Variants in ZNF516 observed in about 807,000 individuals in gnomAD.
ZNF516 encodes zinc finger protein 516.
A neutral mutation model predicts 79.7 loss-of-function variants in ZNF516; 19 were observed. The ratio of observed to expected loss-of-function variants is 0.24; its 90% CI spans 0.17 to 0.35. ZNF516 has a LOEUF of 0.35. ZNF516 is among the 10% of genes least tolerant of loss of function. ZNF516 has a pLI of 1.00. For synonymous variants in ZNF516, 877 were observed against 739.5 expected (o/e 1.19, Z -3.02); for missense variants, 1,678 against 1,679.5 (o/e 1.00, Z 0.02).
chr18:76,377,881 A>G (rs1374291869), intron 4 of ZNF516, among the ~76,000 whole-genome samples: 2 of 151,906 alleles, frequency 1.3e-5, no homozygotes, highest in Non-Finnish European at 2.9e-5. Context: ...ATGCCTGGCT[A>G]ATTTTTGTGT....
intron 1 of ZNF516, among the ~76,000 whole-genome samples, chr18:76,470,374 A>G (rs970647618): frequency 6.6e-6 from 1 of 152,196 alleles, no homozygotes; most frequent in African/African-American, 2.4e-5. Flanking sequence ...CAACACAAGT[A>G]TGCTTTAACA....
intron 3 of ZNF516, among the ~76,000 whole-genome samples, chr18:76,382,068 GTTGCAGTGAGCTGACATCACGCCAC>G (rs1157346704): frequency 2.0e-5 from 3 of 152,170 alleles, no homozygotes; most frequent in Non-Finnish European, 4.4e-5. Flanking sequence ...GGAGGTGGAG[GTTGCAGTGAGCTGACATCACGCCAC>G]TGCACTCCAG....
chr18:76,488,110 G>A, intron 1 of ZNF516: 1 of 984,270 alleles, frequency 1.0e-6, no homozygotes. Context: ...TCATACACGG[G>A]GAGATGTATT....
chr18:76,389,571 G>A (rs917430669), intron 3 of ZNF516, among the ~76,000 whole-genome samples: 30 of 152,144 alleles, frequency 2.0e-4, no homozygotes, highest in Admixed American at 1.8e-3. Flanking sequence ...TCTAAGTTTC[G>A]TGTACGGAAA....
intron 3 of ZNF516, among the ~76,000 whole-genome samples, chr18:76,408,000 G>A (rs1327338588): frequency 2.0e-5 from 3 of 152,226 alleles, no homozygotes; most frequent in Non-Finnish European, 4.4e-5. Flanking sequence ...TGCAGCCCGC[G>A]CTGCTTCTGT....
chr18:76,418,198 C>T (rs572212258), intron 3 of ZNF516, among the ~76,000 whole-genome samples: 1 of 152,044 alleles, frequency 6.6e-6, no homozygotes, highest in African/African-American at 2.4e-5. Flanking sequence ...CTATAACACA[C>T]TGTAACACAC....
At chr18:76,445,113 C>T (rs1489849040) in intron 2 of ZNF516, among the ~76,000 whole-genome samples, 3 of 152,050 alleles carry the variant, frequency 2.0e-5, no homozygotes, top group African/African-American at 7.2e-5. Context: ...AACAATTAGC[C>T]AGGCATGATG....
intron 3 of ZNF516, among the ~76,000 whole-genome samples, chr18:76,405,339 C>A (rs1217727932): frequency 1.3e-5 from 2 of 152,158 alleles, no homozygotes; most frequent in Non-Finnish European, 2.9e-5. Flanking sequence ...CTCAAGCGAT[C>A]CTCCCGCCTC....
At chr18:76,462,491 C>A (rs976697804) in intron 2 of ZNF516, among the ~76,000 whole-genome samples, 1 of 152,200 alleles carries the variant, frequency 6.6e-6, no homozygotes, top group Non-Finnish European at 1.5e-5. Context: ...TGGTAACAAC[C>A]GAAACCTGCC....
In ZNF516 at chr18:76,379,002, CG is replaced by C. The variant is rs56087742; in HGVS notation, c.3111del (p.Val1038SerfsTer122). On this transcript the variant is annotated frameshift_variant, in exon 4 of 7. Coordinates refer to ENST00000443185, the MANE Select transcript of ZNF516 (RefSeq NM_014643.4). LOFTEE classifies it high-confidence loss of function. ...GGCTCCTGTTTGATGGAGTGTAGGA[CG>C]GGGGGCGCCCCAGCCACGCCGGGCT... is the stretch of plus-strand genomic sequence containing the variant. ...QAQPGVAGAPPVLHSIKQEPV... is the reference protein window; with the variant it reads ...QAQPGVAGAPXVLHSIKQEPV... 6.2e-7 allele frequency: 1 copy of C among 1,612,544 alleles called. No homozygotes were observed. The highest frequency in any genetic ancestry group is 8.5e-7 in the Non-Finnish European group (1 of 1,179,654).
intron 1 of ZNF516, among the ~76,000 whole-genome samples, chr18:76,478,987 C>A (rs564076678): frequency 1.3e-5 from 2 of 151,526 alleles, no homozygotes; most frequent in Admixed American, 6.6e-5. Context: ...ACCTGGGAGG[C>A]GAAGGTTGCA....
In ZNF516 at chr18:76,442,149, C is replaced by T. The variant is rs529813340; in HGVS notation, c.906G>A (p.Thr302=). 14 of 1,613,966 alleles carry T rather than the reference C, an allele frequency of 8.7e-6. No individual in the cohort carries two copies. Among genetic ancestry groups the T allele is most frequent in the South Asian group, 7.7e-5 (7 of 91,084 alleles). Residue 302 remains threonine (T), a synonymous_variant, in exon 3 of 7, where the codon ACG becomes ACA. Transcript: ENST00000443185. The stretch of plus-strand genomic sequence containing the variant: ...CACTCTTGGGCCTGTTCTTGCTGCC[C>T]GTCTTGGGGCCGTGCGCCTTCATGT... The part of the protein sequence containing the change: ...KNHMKAHGPK[T]GSKNRPKSEL...
intron 3 of ZNF516, among the ~76,000 whole-genome samples, chr18:76,383,013 G>A (rs2074918531): frequency 7.5e-6 from 1 of 132,534 alleles, no homozygotes; most frequent in Non-Finnish European, 1.5e-5. Flanking sequence ...TCCAGCCTGG[G>A]CAACAGAGCA....
At chr18:76,402,835 G>A (rs549598589) in intron 3 of ZNF516, among the ~76,000 whole-genome samples, 12 of 152,286 alleles carry the variant, frequency 7.9e-5, no homozygotes, top group Admixed American at 2.6e-4. Context: ...GTCTGCGCTC[G>A]CAGGACCACA....
chr18:76,389,690 T>C (rs1319200205), intron 3 of ZNF516, among the ~76,000 whole-genome samples: 2 of 152,232 alleles, frequency 1.3e-5, no homozygotes, highest in Non-Finnish European at 2.9e-5. Flanking sequence ...TTTGCAGAGT[T>C]ATTTTTAAGC....
chr18:76,460,755 T>G (rs1913049154), intron 2 of ZNF516, among the ~76,000 whole-genome samples: 1 of 152,188 alleles, frequency 6.6e-6, no homozygotes. Flanking sequence ...GAGAGATCAC[T>G]TGCAAAAAGC....
At chr18:76,411,792 G>A (rs1385514192) in intron 3 of ZNF516, among the ~76,000 whole-genome samples, 1 of 152,134 alleles carries the variant, frequency 6.6e-6, no homozygotes, top group East Asian at 1.9e-4. Flanking sequence ...TCTCTGCCAG[G>A]AGCCCTCTGC....
intron 3 of ZNF516, chr18:76,386,791 T>C (rs1021619932): frequency 1.3e-5 from 2 of 152,240 alleles, no homozygotes; most frequent in African/African-American, 4.8e-5. Context: ...TCCAGTTCTA[T>C]GACTGACAAT....
At chr18:76,482,094 C>T (rs1278899846) in intron 1 of ZNF516, among the ~76,000 whole-genome samples, 3 of 152,020 alleles carry the variant, frequency 2.0e-5, no homozygotes, top group Admixed American at 6.5e-5. Flanking sequence ...TTGACTTTAG[C>T]GCTAATGCTA....
Sources: allele counts gnomAD v4.1 joint callset (sites outside exome capture counted in the v4.1 genomes callset), GRCh38; gene constraint gnomAD v4.1.1; transcripts MANE v1.5; gene names NCBI Gene and HGNC (gene_info 2026-07-23, HGNC 2026-07-21).